TESK2: variants seen among roughly 807,000 people sequenced by gnomAD.
TESK2 encodes dual specificity testis-specific protein kinase 2.
A neutral mutation model predicts 57.1 loss-of-function variants in TESK2; 39 were observed. The ratio of observed to expected loss-of-function variants is 0.68; its 90% CI spans 0.53 to 0.89. The LOEUF (loss-of-function observed/expected upper bound fraction) is 0.89, where lower values mean the gene tolerates loss of function less well. Ranked by LOEUF, TESK2 falls within the 40% of genes least tolerant of loss-of-function variation. TESK2 has a pLI of 0.00. For missense variants in TESK2, 646 were observed against 732.1 expected, an observed-to-expected ratio of 0.88 and a Z score of 1.36; for synonymous variants, 249 against 267.9, an observed-to-expected ratio of 0.93 and a Z score of 0.69.
rs191531155 is a variant in TESK2 at position 45,384,199 on chromosome 1, C to T, written c.393+1713G>A. 2.2e-3 allele frequency among the ~76,000 whole-genome samples: 341 copies of T among 152,290 alleles called. 5 individuals carry two copies. The highest frequency in any genetic ancestry group is 7.9e-3 in the African/African-American group (328 of 41,552). On this transcript the variant is annotated intron_variant, in intron 4 of 10. Coordinates refer to ENST00000372086, the MANE Select transcript of TESK2 (RefSeq NM_007170.3). Reference sequence around the variant, plus strand: ...TCCTTCCTTGAAACTCTTTCCTTTTCATTACAGGCCAGCACGTTCTTCTGG... The same window carrying T: ...TCCTTCCTTGAAACTCTTTCCTTTTTATTACAGGCCAGCACGTTCTTCTGG...
Position 45,457,746 on chromosome 1 carries a change from G to A in TESK2, c.40C>T (p.Pro14Ser). ...AACTCTTCAAGACGCTCCACACGTG[G>A]AGGAAATCCTGCAATTGAATTCCGT... ...SKRNSIAGFPPRVERLEEFEG... is the reference protein window; with the variant it reads ...SKRNSIAGFPSRVERLEEFEG... Residue 14 changes from proline (P) to serine (S), a missense_variant, in exon 2 of 11, where the codon CCA becomes TCA. Transcript: ENST00000372086. The A allele has an allele frequency of 6.2e-7, 1 of 1,614,116 alleles. No individual in the cohort carries two copies. Among genetic ancestry groups the A allele is most frequent in the South Asian group, 1.1e-5 (1 of 91,076 alleles).
intron 3 of TESK2, among the ~76,000 whole-genome samples, chr1:45,417,103 T>C (rs1256188112): frequency 6.6e-6 from 1 of 152,148 alleles, no homozygotes; most frequent in Admixed American, 6.5e-5. Flanking sequence ...TCTACTTCTA[T>C]GAGATCGACT....
chr1:45,452,502 C>CT (rs1351959063), intron 2 of TESK2, among the ~76,000 whole-genome samples: 2 of 152,124 alleles, frequency 1.3e-5, no homozygotes, highest in Non-Finnish European at 2.9e-5. Context: ...AAGGACTTCA[C>CT]TAACAATCAG....
rs779245661 is a variant in TESK2 at position 45,347,593 on chromosome 1, G to T, written c.708+16C>A. The T allele has an allele frequency of 6.2e-7, 1 of 1,609,672 alleles. No individual in the cohort carries two copies. The highest frequency in any genetic ancestry group is 1.7e-5 in the Admixed American group (1 of 59,338). On this transcript the variant is annotated intron_variant, in intron 7 of 10. Coordinates refer to ENST00000372086, the MANE Select transcript of TESK2 (RefSeq NM_007170.3). Reference sequence around the variant, plus strand: ...AGAAAAAAGGAGAATCAGGCCTTGAGATCCTCCAAACTTACCTTTTCATTA... The same window carrying T: ...AGAAAAAAGGAGAATCAGGCCTTGATATCCTCCAAACTTACCTTTTCATTA...
intron 4 of TESK2, among the ~76,000 whole-genome samples, chr1:45,359,890 G>T (rs1165334549): frequency 6.6e-6 from 1 of 151,998 alleles, no homozygotes; most frequent in Non-Finnish European, 1.5e-5. Context: ...AATAAAATAT[G>T]TGAAAGCGCT....
intron 2 of TESK2, among the ~76,000 whole-genome samples, chr1:45,426,273 G>A (rs1008534113): frequency 1.3e-5 from 2 of 152,132 alleles, no homozygotes; most frequent in Non-Finnish European, 2.9e-5. Flanking sequence ...CAATGGAACA[G>A]AATAGAGAAT....
chr1:45,465,508 CAAAG>C (rs564305053), intron 1 of TESK2, among the ~76,000 whole-genome samples: 15 of 150,552 alleles, frequency 1.0e-4, no homozygotes, highest in Non-Finnish European at 2.1e-4. Flanking sequence ...AAGAGAGAGA[CAAAG>C]AAAGAAAGAA....
intron 3 of TESK2, among the ~76,000 whole-genome samples, chr1:45,409,175 A>G (rs1019281422): frequency 7.2e-5 from 11 of 152,210 alleles, no homozygotes; most frequent in Admixed American, 2.0e-4. Flanking sequence ...AGCTCATTCA[A>G]TACTGGAGGC....
At chr1:45,399,496 G>A (rs917283715) in intron 3 of TESK2, among the ~76,000 whole-genome samples, 1 of 152,150 alleles carries the variant, frequency 6.6e-6, no homozygotes, top group Non-Finnish European at 1.5e-5. Context: ...TGTATTTTTA[G>A]TAGAGATGGG....
intron 2 of TESK2, among the ~76,000 whole-genome samples, chr1:45,435,690 T>C (rs1372581662): frequency 1.3e-5 from 2 of 150,416 alleles, no homozygotes; most frequent in African/African-American, 4.9e-5. Flanking sequence ...CTAGTAGTTT[T>C]GTAGTTTGGG....
At chr1:45,348,117 G>A in intron 5 of TESK2, 117 bp from the exon 6 acceptor site, 1 of 729,518 alleles carries the variant, frequency 1.4e-6, no homozygotes, top group Middle Eastern at 2.4e-4. Context: ...GCTCCTTGGT[G>A]AACCGCACTC....
intron 4 of TESK2, among the ~76,000 whole-genome samples, chr1:45,377,314 T>C (rs972011185): frequency 8.6e-5 from 13 of 150,768 alleles, no homozygotes; most frequent in African/African-American, 2.4e-4. Flanking sequence ...CAGAAAGATA[T>C]CACAAAGAAG....
At chr1:45,358,579 T>C (rs1192184172) in intron 4 of TESK2, among the ~76,000 whole-genome samples, 1 of 152,162 alleles carries the variant, frequency 6.6e-6, no homozygotes, top group African/African-American at 2.4e-5. Flanking sequence ...GTTTTGCATA[T>C]ATTATCTCAT....
intron 1 of TESK2, among the ~76,000 whole-genome samples, chr1:45,490,504 A>G (rs1653674862): frequency 6.6e-6 from 1 of 152,210 alleles, no homozygotes; most frequent in Admixed American, 6.5e-5. Flanking sequence ...AGGAGCGGGT[A>G]TGCGAGCAGG....
At chr1:45,448,944 G>A (rs928727649) in intron 2 of TESK2, among the ~76,000 whole-genome samples, 5 of 152,122 alleles carry the variant, frequency 3.3e-5, no homozygotes, top group Non-Finnish European at 7.4e-5. Flanking sequence ...GCAAAATGGG[G>A]CAGGGTGCAG....
At chr1:45,373,463 C>G (rs1480102423) in intron 4 of TESK2, among the ~76,000 whole-genome samples, 1 of 152,192 alleles carries the variant, frequency 6.6e-6, no homozygotes, top group Non-Finnish European at 1.5e-5. Flanking sequence ...CATTGAGCAG[C>G]TACTTGTGCC....
At chr1:45,391,552 G>A (rs1410882920) in intron 3 of TESK2, among the ~76,000 whole-genome samples, 4 of 152,088 alleles carry the variant, frequency 2.6e-5, no homozygotes, top group Non-Finnish European at 5.9e-5. Flanking sequence ...ACCTAGTATA[G>A]TGTCTGGAAC....
At chr1:45,382,264 G>C (rs193201801) in intron 4 of TESK2, among the ~76,000 whole-genome samples, 2 of 151,466 alleles carry the variant, frequency 1.3e-5, no homozygotes, top group Non-Finnish European at 2.9e-5. Context: ...TTTGAAACAG[G>C]GTCTTGCTCT....
intron 2 of TESK2, among the ~76,000 whole-genome samples, chr1:45,430,453 T>G (rs1650902929): frequency 6.6e-6 from 1 of 152,136 alleles, no homozygotes; most frequent in Non-Finnish European, 1.5e-5. Context: ...ATCAAGACAT[T>G]GCACTCCAGC....
Sources: allele counts gnomAD v4.1 joint callset (sites outside exome capture counted in the v4.1 genomes callset), GRCh38; gene constraint gnomAD v4.1.1; transcripts MANE v1.5; gene names NCBI Gene and HGNC (gene_info 2026-07-23, HGNC 2026-07-21).